The following LZTR1 variants were observed in gnomAD, a reference collection of about 807,000 sequenced individuals.
LZTR1 encodes leucine-zipper-like transcriptional regulator 1.
LZTR1 carries 260 observed loss-of-function variants against 105.7 expected under a neutral mutation model. The ratio of observed to expected loss-of-function variants is 2.46; its 90% CI spans 2.22 to 2.72. The LOEUF is 2.72. Among genes scored for constraint, LZTR1 ranks in the 30% most tolerant of loss-of-function variants. The pLI is 0.00. For missense variants in LZTR1, 1,214 were observed against 1,166.9 expected (o/e 1.04, Z -0.59); for synonymous variants, 490 against 476.4 (o/e 1.03, Z -0.37).
chr22:20,992,689 C>A (rs1924648130), intron 10 of LZTR1, 105 bp from the exon 11 acceptor site: 2 of 763,444 alleles, frequency 2.6e-6, no homozygotes, highest in African/African-American at 3.5e-5. Context: ...GCCCCCTGGC[C>A]CTTCATGGCC....
intron 6 of LZTR1, among the ~76,000 whole-genome samples, chr22:20,989,263 T>C (rs1050521887): frequency 6.6e-6 from 1 of 152,256 alleles, no homozygotes; most frequent in Non-Finnish European, 1.5e-5. Context: ...AAGTAGCATA[T>C]GCTGGTTTCC....
Position 20,998,206 on chromosome 22 carries a change from T to C in LZTR1, c.*858T>C, listed in dbSNP as rs150441104. 0.017 allele frequency: 2,665 copies of C among 152,410 alleles called. 42 individuals carry two copies. The highest frequency in any genetic ancestry group is 0.028 in the Non-Finnish European group (1,919 of 68,102). The allele number at this position is 152,410 out of a possible 1,614,324, so 9.4% of individuals were successfully genotyped here. A position where few individuals can be genotyped will look rare whatever the true frequency, so the allele number is the denominator to read the frequency against. On this transcript the variant is annotated 3_prime_UTR_variant, in exon 21 of 21. Transcript: ENST00000646124. ...TAGCAGACCCCCAGATGTAGGTCAG[T>C]GGCCTTACCTGTCTCTATCCATGCT... is the stretch of plus-strand genomic sequence containing the variant.
chr22:20,982,408 G>A lies in LZTR1; in HGVS notation c.37G>A (p.Ala13Thr), dbSNP rs1294976647. ...GPGSTGGQIG[A>T]AALAGGARSK... Reference sequence around the variant, plus strand: ...GGGCAGCACGGGGGGGCAGATCGGGGCTGCGGCCCTGGCAGGCGGCGCGCG... The same window carrying A: ...GGGCAGCACGGGGGGGCAGATCGGGACTGCGGCCCTGGCAGGCGGCGCGCG... Residue 13 changes from alanine to threonine, a missense_variant, in exon 1 of 21, where the codon GCT (alanine) becomes ACT (threonine). Physicochemically the swap from Ala to Thr is moderately conservative, Grantham distance 58. Coordinates refer to ENST00000646124, the MANE Select transcript of LZTR1 (RefSeq NM_006767.4). 5 of 1,566,574 alleles carry A rather than the reference G, an allele frequency of 3.2e-6. No individual in the cohort carries two copies. The highest frequency in any genetic ancestry group is 4.3e-6 in the Non-Finnish European group (5 of 1,155,218).
Position 20,982,316 on chromosome 22 carries a change from C to A in LZTR1, c.-56C>A. 7.2e-7 allele frequency: 1 copy of A among 1,381,282 alleles called. No homozygotes were observed. The highest frequency in any genetic ancestry group is 9.8e-7 in the Non-Finnish European group (1 of 1,019,190). The allele number at this position is 1,381,282 out of a possible 1,614,324, so 85.6% of individuals were successfully genotyped here. On this transcript the variant is annotated 5_prime_UTR_variant, in exon 1 of 21. Coordinates refer to ENST00000646124, the MANE Select transcript of LZTR1 (RefSeq NM_006767.4). ...GGAAATGTGGTTTCTCCAGCCGGCCCGGGGCGGTGGCCGCAAGTTGGGCTT... is the reference window on the plus strand; with the variant it reads ...GGAAATGTGGTTTCTCCAGCCGGCCAGGGGCGGTGGCCGCAAGTTGGGCTT...
At chr22:20,995,922 G>C (rs374271940) in intron 17 of LZTR1, 41 bp from the exon 18 acceptor site, 2 of 1,613,308 alleles carry the variant, frequency 1.2e-6, no homozygotes, top group South Asian at 2.2e-5. Context: ...TGGTGTCTTC[G>C]TTCTGCTGAC....
chr22:20,996,041 C>T lies in LZTR1; in HGVS notation c.2148C>T (p.Ser716=). ...TCTCCATCGGGGAGATGGTGCCCAG[C>T]AGGCAGGCCTTCGAGTCCATGCTGC... ...VNISIGEMVP[S]RQAFESMLRY... is the part of the protein sequence containing the mutation. Residue 716 remains serine, a synonymous_variant, in exon 18 of 21, where the codon AGC becomes AGT. Transcript: ENST00000646124. 2 of 1,613,524 alleles carry T rather than the reference C, an allele frequency of 1.2e-6. No individual in the cohort carries two copies. Among genetic ancestry groups the T allele is most frequent in the Non-Finnish European group, 1.7e-6 (2 of 1,180,016 alleles).
In LZTR1 at chr22:20,993,753, A is replaced by G. The variant is rs747701179; in HGVS notation, c.1352A>G (p.Glu451Gly). ...QFCDVEFVLG[E>G]KEECVQGHVA... ...TGCGACGTGGAGTTCGTGCTGGGTG[A>G]GGTGGGTGCCTGTCCTCGCACCCTG... Residue 451 changes from glutamate (E) to glycine (G), a missense_variant and splice_region_variant, in exon 12 of 21, where the codon GAG becomes GGG. By Grantham distance (98) the Glu-to-Gly change is moderately conservative. Transcript: ENST00000646124. 6.2e-7 allele frequency: 1 copy of G among 1,612,328 alleles called. No individual in the cohort carries two copies. The highest frequency in any genetic ancestry group is 1.1e-5 in the South Asian group (1 of 91,026).
chr22:20,996,243 G>C (rs1414355305), intron 18 of LZTR1, 131 bp downstream of exon 18: 1 of 1,029,568 alleles, frequency 9.7e-7, no homozygotes, highest in Admixed American at 2.3e-5. Flanking sequence ...CAGAGGGTTT[G>C]CTGGTGCCTG....
chr22:20,987,334 A>G (rs1284269852), intron 3 of LZTR1, among the ~76,000 whole-genome samples, 170 bp from the exon 4 acceptor site: 5 of 149,884 alleles, frequency 3.3e-5, no homozygotes, highest in African/African-American at 1.2e-4. Flanking sequence ...GTGGAGGTTG[A>G]GCCGGGATCG....
chr22:20,992,187 T>G, intron 9 of LZTR1, 27 bp from the exon 10 acceptor site: 1 of 1,606,034 alleles, frequency 6.2e-7, no homozygotes, highest in Non-Finnish European at 8.5e-7. Flanking sequence ...CCAACTGGTC[T>G]CATGCCCATG....
intron 16 of LZTR1, 160 bp from the exon 17 acceptor site, chr22:20,995,586 C>G: frequency 1.1e-6 from 1 of 877,928 alleles, no homozygotes; most frequent in Non-Finnish European, 1.9e-6. Context: ...CGAGGGAGGA[C>G]AGAATGTGGC....
chr22:20,988,211 C>A, intron 5 of LZTR1, 93 bp downstream of exon 5: 2 of 772,136 alleles, frequency 2.6e-6, no homozygotes, highest in South Asian at 1.6e-5. Flanking sequence ...GATGAGGACC[C>A]TGAGGGCACG....
intron 6 of LZTR1, 99 bp from the exon 7 acceptor site, chr22:20,989,526 G>T (rs1924519012): frequency 4.2e-6 from 4 of 952,472 alleles, no homozygotes; most frequent in Admixed American, 3.4e-5. Context: ...TACCCTGTGT[G>T]GGGGTGGGGC....
At chr22:20,988,404 A>G (rs545097930) in intron 5 of LZTR1, among the ~76,000 whole-genome samples, 1 of 152,316 alleles carries the variant, frequency 6.6e-6, no homozygotes, top group Admixed American at 6.5e-5. Flanking sequence ...CATGACTTCA[A>G]GGCTGCAGTG....
chr22:20,989,622 CA>C lies in LZTR1; in HGVS notation c.594-2del, dbSNP rs1569155218. Reference sequence around the variant, plus strand: ...GGGTCCTCACTGGTCTGTCCTAATACAGGTTGAATGACATGTGGACAATTGG... The same window carrying C: ...GGGTCCTCACTGGTCTGTCCTAATACGGTTGAATGACATGTGGACAATTGG... On this transcript the variant is annotated splice_acceptor_variant, in intron 6 of 20. Coordinates refer to ENST00000646124, the MANE Select transcript of LZTR1 (RefSeq NM_006767.4). LOFTEE classifies it high-confidence loss of function. The C allele has an allele frequency of 6.2e-7, 1 of 1,613,472 alleles. No individual in the cohort carries two copies. Among genetic ancestry groups the C allele is most frequent in the Non-Finnish European group, 8.5e-7 (1 of 1,179,670 alleles).
chr22:20,996,504 T>A (rs1174853649), intron 18 of LZTR1, 192 bp from the exon 19 acceptor site: 2 of 609,124 alleles, frequency 3.3e-6, no homozygotes, highest in African/African-American at 1.9e-5. Flanking sequence ...CAGACACTAT[T>A]TTTCTCGGGA....
intron 11 of LZTR1, 85 bp from the exon 12 acceptor site, chr22:20,993,577 T>C: frequency 8.7e-7 from 1 of 1,148,876 alleles, no homozygotes; most frequent in Non-Finnish European, 1.3e-6. Flanking sequence ...ATGGGCCAGG[T>C]GGGGACCTCA....
rs1164266200 is a variant in LZTR1 at position 20,988,794 on chromosome 22, CA to C, written c.516del (p.Val173SerfsTer27). 2 of 1,613,828 alleles carry C rather than the reference CA, an allele frequency of 1.2e-6. No individual in the cohort carries two copies. Among genetic ancestry groups the C allele is most frequent in the Non-Finnish European group, 1.7e-6 (2 of 1,179,806 alleles). On this transcript the variant is annotated frameshift_variant, in exon 6 of 21. Coordinates refer to ENST00000646124, the MANE Select transcript of LZTR1 (RefSeq NM_006767.4). LOFTEE classifies it high-confidence loss of function. ...WTEWKIEGRL[P>X]VARSAHGATV... ...CCTCTTCCCTCACACTCCAGGTTGC[CA>C]GTCGCTAGGTCAGCCCATGGGGCCA...
chr22:20,993,031 C>T, intron 11 of LZTR1, 127 bp downstream of exon 11: 1 of 681,598 alleles, frequency 1.5e-6, no homozygotes, highest in Middle Eastern at 2.6e-4. Context: ...AGGATGGAAG[C>T]CTTGGGAGGA....
Sources: gnomAD v4.1 joint callset for allele counts (sites outside exome capture counted in the v4.1 genomes callset) on GRCh38, gnomAD v4.1.1 for gene constraint, MANE v1.5 for transcripts, NCBI Gene and HGNC (gene_info 2026-07-23, HGNC 2026-07-21) for gene names.